Variants in CADM2 observed in about 807,000 individuals in gnomAD.
CADM2 encodes immunoglobulin superfamily member 4D.
In CADM2, 12 loss-of-function variants were observed where a neutral mutation model predicts 49.8. That is an observed-to-expected ratio of 0.24 (90% CI 0.15 to 0.39). The LOEUF (loss-of-function observed/expected upper bound fraction) is 0.39. Ranked by LOEUF, CADM2 falls within the 10% of genes least tolerant of loss-of-function variation. The probability of loss-of-function intolerance (pLI) is 1.00; values close to 1 mark genes in which losing one functional copy is unlikely to be tolerated. For synonymous variants in CADM2, 214 were observed against 175.4 expected (o/e 1.22, Z -1.74); for missense variants, 378 against 492.3 (o/e 0.77, Z 2.20).
chr3:85,860,999 C>T (rs972195751), intron 3 of CADM2, among the ~76,000 whole-genome samples: 71 of 152,174 alleles, frequency 4.7e-4, no homozygotes, highest in African/African-American at 1.6e-3. Flanking sequence ...GACATGAGGT[C>T]ACAGAAGTGA....
chr3:85,716,475 G>A (rs1314747172), intron 1 of CADM2, among the ~76,000 whole-genome samples: 1 of 152,146 alleles, frequency 6.6e-6, no homozygotes, highest in African/African-American at 2.4e-5. Context: ...TCTGATGACA[G>A]TTTCTTTTGC....
intron 1 of CADM2, among the ~76,000 whole-genome samples, chr3:85,568,561 C>A (rs73137879): frequency 0.32 from 19,035 of 59,342 alleles, 6,547 homozygotes; most frequent in East Asian, 0.85. Context: ...CTCTTTCTTT[C>A]TTTTCCTTCC....
intron 8 of CADM2, among the ~76,000 whole-genome samples, chr3:86,010,515 T>C (rs1731365114): frequency 6.6e-6 from 1 of 151,382 alleles, no homozygotes; most frequent in Non-Finnish European, 1.5e-5. Flanking sequence ...GAGACAAATA[T>C]ACAAAATCTT....
chr3:85,731,514 A>G (rs1334437783), intron 2 of CADM2, among the ~76,000 whole-genome samples: 2 of 152,172 alleles, frequency 1.3e-5, no homozygotes, highest in African/African-American at 4.8e-5. Context: ...TATTATTATT[A>G]CTATCACAAT....
In CADM2 at chr3:85,802,139, A is replaced by G; in HGVS notation, c.181A>G (p.Thr61Ala). The change falls in exon 3 of 10, where the codon ACC (threonine) becomes GCC (alanine). Residue 61 changes from threonine (T) to alanine (A), a missense_variant. Thr to Ala is a moderately conservative substitution (Grantham distance 58). Transcript: ENST00000383699. The stretch of plus-strand genomic sequence containing the variant: ...CTGCAGGGTTGATCAAAATGATAAC[A>G]CCTCCCTCCAGTGGTCAAATCCAGC... ...LTCRVDQNDN[T>A]SLQWSNPAQQ... 6.2e-7 allele frequency: 1 copy of G among 1,613,138 alleles called. No homozygotes were observed. The highest frequency in any genetic ancestry group is 8.5e-7 in the Non-Finnish European group (1 of 1,179,522).
chr3:85,801,041 C>T (rs1248034586), intron 2 of CADM2: 1 of 152,142 alleles, frequency 6.6e-6, no homozygotes, highest in East Asian at 1.9e-4. Context: ...TTAATGAACT[C>T]CCTTGCTTAC....
chr3:85,339,882 CTT>C (rs1402683161), intron 1 of CADM2, among the ~76,000 whole-genome samples: 5 of 151,302 alleles, frequency 3.3e-5, no homozygotes, highest in Non-Finnish European at 5.9e-5. Flanking sequence ...TTTGCAAACT[CTT>C]TAATTTCTAA....
At chr3:85,460,286 A>AC (rs2038182094) in intron 1 of CADM2, among the ~76,000 whole-genome samples, 2 of 152,026 alleles carry the variant, frequency 1.3e-5, no homozygotes, top group African/African-American at 4.8e-5. Flanking sequence ...TCAGAAAAAA[A>AC]AATGTGTTAT....
chr3:85,520,247 TA>T (rs971232153), intron 1 of CADM2, among the ~76,000 whole-genome samples: 38 of 151,934 alleles, frequency 2.5e-4, no homozygotes, highest in African/African-American at 8.4e-4. Flanking sequence ...AGTGTCCTTT[TA>T]AAAAAAGTAG....
chr3:85,792,104 A>G (rs2071371770), intron 2 of CADM2, among the ~76,000 whole-genome samples: 1 of 152,218 alleles, frequency 6.6e-6, no homozygotes, highest in Admixed American at 6.5e-5. Flanking sequence ...CAACCAAGTT[A>G]TAAGAGGACC....
chr3:85,618,504 T>C (rs1286304719), intron 1 of CADM2, among the ~76,000 whole-genome samples: 3 of 152,160 alleles, frequency 2.0e-5, no homozygotes, highest in Non-Finnish European at 2.9e-5. Context: ...TGATTCTGTT[T>C]CTTTTGTACT....
chr3:85,713,294 C>T (rs571213636), intron 1 of CADM2, among the ~76,000 whole-genome samples: 1 of 152,022 alleles, frequency 6.6e-6, no homozygotes, highest in Admixed American at 6.6e-5. Flanking sequence ...AGAGATGGCC[C>T]GCTGGCACGT....
intron 2 of CADM2, among the ~76,000 whole-genome samples, chr3:85,783,441 G>A (rs1413454397): frequency 2.0e-5 from 3 of 151,428 alleles, no homozygotes; most frequent in African/African-American, 7.4e-5. Flanking sequence ...GGGAGGAGAT[G>A]AAGGAAAAAG....
intron 1 of CADM2, among the ~76,000 whole-genome samples, chr3:85,458,452 A>G (rs1371018001): frequency 6.6e-6 from 1 of 152,200 alleles, no homozygotes; most frequent in African/African-American, 2.4e-5. Flanking sequence ...CATTCACTCA[A>G]GAAATATGTA....
intron 1 of CADM2, among the ~76,000 whole-genome samples, chr3:85,559,653 G>T (rs1406411922): frequency 9.5e-6 from 1 of 105,640 alleles, no homozygotes; most frequent in African/African-American, 3.5e-5. Flanking sequence ...TGATTTAAAA[G>T]AAACACACAC....
chr3:85,333,130 T>C (rs773952351), intron 1 of CADM2, among the ~76,000 whole-genome samples: 5 of 151,802 alleles, frequency 3.3e-5, no homozygotes, highest in Admixed American at 2.0e-4. Flanking sequence ...CTTTGCATTG[T>C]ACACAGAATA....
At chr3:85,693,566 CAAAA>C (rs562723713) in intron 1 of CADM2, among the ~76,000 whole-genome samples, 2 of 76,124 alleles carry the variant, frequency 2.6e-5, no homozygotes, top group Admixed American at 1.6e-4. Context: ...GGCGAAAGAG[CAAAA>C]AAAAAAAAAA....
At chr3:85,212,901 A>T (rs939911839) in intron 1 of CADM2, among the ~76,000 whole-genome samples, 1 of 79,696 alleles carries the variant, frequency 1.3e-5, no homozygotes, top group African/African-American at 4.4e-5. Context: ...TCTTTCTTTT[A>T]ATGGAGTCTC....
chr3:85,206,950 T>A (rs2107759021), intron 1 of CADM2, among the ~76,000 whole-genome samples: 1 of 148,678 alleles, frequency 6.7e-6, no homozygotes, highest in African/African-American at 2.6e-5. Flanking sequence ...AAATAAATAA[T>A]ATTTAAGGCC....
Sources: gnomAD v4.1 joint callset for allele counts (sites outside exome capture counted in the v4.1 genomes callset) on GRCh38, gnomAD v4.1.1 for gene constraint, MANE v1.5 for transcripts, NCBI Gene and HGNC (gene_info 2026-07-23, HGNC 2026-07-21) for gene names.